Variants in ZNF614 observed in about 807,000 individuals in gnomAD.
The protein encoded by ZNF614 is zinc finger protein 614.
ZNF614 carries 11 observed loss-of-function variants against 12.8 expected under a neutral mutation model. The ratio of observed to expected loss-of-function variants is 0.86; its 90% CI spans 0.54 to 1.43. The LOEUF is 1.43. Among genes scored for constraint, ZNF614 ranks in the 40% most tolerant of loss-of-function variants. The probability of loss-of-function intolerance (pLI) is 0.00; values close to 1 mark genes in which losing one functional copy is unlikely to be tolerated. For synonymous variants in ZNF614, 237 were observed against 237.5 expected (o/e 1.00, Z 0.02); for missense variants, 664 against 708.8 (o/e 0.94, Z 0.72).
At chr19:52,021,366 A>AT (rs35777799) in intron 2 of ZNF614, among the ~76,000 whole-genome samples, 47,525 of 146,964 alleles carry the variant, frequency 0.32, 7,782 homozygotes, top group South Asian at 0.56. Context: ...AAAGTGTGAG[A>AT]TTTTTTTTTT....
At position 52,015,163 on chromosome 19, in the gene ZNF614, TTCA is replaced by T. The variant is rs2086888578; in HGVS notation, c.*674_*676del. 1.4e-5 allele frequency: 2 copies of T among 144,606 alleles called. No homozygotes were observed. The highest frequency in any genetic ancestry group is 5.0e-5 in the African/African-American group (2 of 40,118). 9.0% of individuals were successfully genotyped at this position (144,606 alleles called of 1,614,324 possible). A position where few individuals can be genotyped will look rare whatever the true frequency, so the allele number is the denominator to read the frequency against. On this transcript the variant is annotated 3_prime_UTR_variant, in exon 5 of 5. Transcript: ENST00000270649. The stretch of plus-strand genomic sequence containing the variant: ...CTTATTAAGAAAAAGCACTCAAATA[TTCA>T]TCATTTTCACCACATTTCATGCCTT...
In ZNF614 at chr19:52,016,181, GTTGTATGAGGCATAT is replaced by G. The variant is rs760696985; in HGVS notation, c.1402_1416del (p.Ile468_Gln472del). On this transcript the variant is annotated inframe_deletion, in exon 5 of 5. Coordinates refer to ENST00000270649, the MANE Select transcript of ZNF614 (RefSeq NM_025040.4). ...GTCTTTCCTGTATGACATCTCTCAT[GTTGTATGAGGCATAT>G]TTTCTGGCTGAAGGCTTTACCACAT... The G allele has an allele frequency of 3.7e-5, 59 of 1,614,072 alleles. No homozygotes were observed. Among genetic ancestry groups the G allele is most frequent in the Non-Finnish European group, 4.2e-5 (50 of 1,180,048 alleles).
chr19:52,024,901 G>A (rs2086961299), intron 2 of ZNF614, among the ~76,000 whole-genome samples: 1 of 152,184 alleles, frequency 6.6e-6, no homozygotes, highest in Non-Finnish European at 1.5e-5. Flanking sequence ...ATGACACCGG[G>A]GGATACCCGT....
chr19:52,017,958 T>G, intron 4 of ZNF614, 50 bp downstream of exon 4: 1 of 1,431,544 alleles, frequency 7.0e-7, no homozygotes, highest in Non-Finnish European at 9.8e-7. Context: ...CTTTCCTTAA[T>G]GACTACAATA....
chr19:52,023,501 A>G (rs1391337089), intron 2 of ZNF614, among the ~76,000 whole-genome samples: 1 of 152,012 alleles, frequency 6.6e-6, no homozygotes, highest in Non-Finnish European at 1.5e-5. Context: ...TTCAGTTCCA[A>G]TCCTCTAATT....
chr19:52,018,617 T>G (rs1240078261), intron 2 of ZNF614, 123 bp from the exon 3 acceptor site: 2 of 1,032,268 alleles, frequency 1.9e-6, no homozygotes, highest in East Asian at 5.4e-5. Context: ...CAAATATACT[T>G]TGGTAGGAGC....
chr19:52,025,815 A>G lies in ZNF614; in HGVS notation c.-70T>C. ...CTTTGTCTCTTCTGCATTTGCCATG[A>G]AGTTTTTGAAGTTTTCCTAGTCAGA... On this transcript the variant is annotated 5_prime_UTR_variant, in exon 2 of 5. Transcript: ENST00000270649. The G allele has an allele frequency of 6.5e-7, 1 of 1,544,644 alleles. No homozygotes were observed. Among genetic ancestry groups the G allele is most frequent in the Non-Finnish European group, 8.8e-7 (1 of 1,131,778 alleles).
chr19:52,016,150 A>C lies in ZNF614; in HGVS notation c.1448T>G (p.Phe483Cys). The change falls in exon 5 of 5, where the codon TTT becomes TGT. Residue 483 changes from phenylalanine (F) to cysteine (C), a missense_variant. By Grantham distance (205) the Phe-to-Cys change is radical. Transcript: ENST00000270649. ...HERCHTGKTP[F>C]VCTECGKSYS... The stretch of plus-strand genomic sequence containing the variant: ...GGATTTTCCGCACTCGGTACATACA[A>C]AGGGAGTCTTTCCTGTATGACATCT... 1 of 1,614,078 alleles carries C rather than the reference A, an allele frequency of 6.2e-7. No homozygotes were observed. Among genetic ancestry groups the C allele is most frequent in the Non-Finnish European group, 8.5e-7 (1 of 1,180,028 alleles).
chr19:52,017,835 G>C (rs1350277644), intron 4 of ZNF614, 173 bp downstream of exon 4: 1 of 512,956 alleles, frequency 1.9e-6, no homozygotes, highest in Non-Finnish European at 3.4e-6. Context: ...TCAGATCCAA[G>C]AAAAGACAAA....
intron 4 of ZNF614, 183 bp downstream of exon 4, chr19:52,017,825 T>A (rs2123119649): frequency 2.1e-6 from 1 of 484,794 alleles, no homozygotes; most frequent in East Asian, 3.1e-5. Flanking sequence ...ATCCAAGAAA[T>A]CAGATCCAAG....
Position 52,013,384 on chromosome 19 carries a change from T to C in ZNF614, c.*2456A>G, listed in dbSNP as rs2086877972. 1 of 264,846 alleles carries C rather than the reference T, an allele frequency of 3.8e-6. No individual in the cohort carries two copies. Among genetic ancestry groups the C allele is most frequent in the Admixed American group, 5.2e-5 (1 of 19,350 alleles). The allele number at this position is 264,846 out of a possible 1,614,324, so 16.4% of individuals were successfully genotyped here. ...ACCAGGAAAACAGTGCAAATATATC[T>C]CATAGGTGAATGGATAAACTACTAC... On this transcript the variant is annotated 3_prime_UTR_variant, in exon 5 of 5. Coordinates refer to ENST00000270649, the MANE Select transcript of ZNF614 (RefSeq NM_025040.4).
rs1253833369 is a variant in ZNF614 at position 52,014,343 on chromosome 19, AAGTT to A, written c.*1493_*1496del. Reference sequence around the variant, plus strand: ...AGTGCAGTCCAAGTTAGTGCAGTGCAAGTTAGTTAGTGCAGTCTAAATTAGTGCA... The same window carrying A: ...AGTGCAGTCCAAGTTAGTGCAGTGCAAGTTAGTGCAGTCTAAATTAGTGCA... On this transcript the variant is annotated 3_prime_UTR_variant, in exon 5 of 5. Coordinates refer to ENST00000270649, the MANE Select transcript of ZNF614 (RefSeq NM_025040.4). 17 of 151,370 alleles carry A rather than the reference AAGTT, an allele frequency of 1.1e-4. No homozygotes were observed. The highest frequency in any genetic ancestry group is 3.7e-4 in the African/African-American group (15 of 40,966). The allele number at this position is 151,370 out of a possible 1,614,324, so 9.4% of individuals were successfully genotyped here.
Position 52,016,254 on chromosome 19 carries a change from A to G in ZNF614, c.1344T>C (p.Thr448=). The G allele has an allele frequency of 6.2e-7, 1 of 1,614,016 alleles. No homozygotes were observed. The highest frequency in any genetic ancestry group is 8.5e-7 in the Non-Finnish European group (1 of 1,180,004). ...ATTCATAGGGTTTTTCTCCTGTATG[A>G]GTTCGCTGATGTATAATAAGAGTGC... ...TKRTLIIHQR[T]HTGEKPYECN... The change falls in exon 5 of 5, where the codon ACT becomes ACC. Residue 448 remains threonine, a synonymous_variant. Transcript: ENST00000270649.
chr19:52,017,420 G>A, intron 4 of ZNF614, 61 bp from the exon 5 acceptor site: 2 of 1,490,442 alleles, frequency 1.3e-6, no homozygotes, highest in Non-Finnish European at 1.8e-6. Flanking sequence ...AAATGCTTAT[G>A]AGGCCGGGCA....
At chr19:52,023,263 G>C (rs927508829) in intron 2 of ZNF614, among the ~76,000 whole-genome samples, 1 of 151,418 alleles carries the variant, frequency 6.6e-6, no homozygotes, top group South Asian at 2.1e-4. Flanking sequence ...CCACCTCCCG[G>C]GTTCAAGGGA....
At position 52,015,794 on chromosome 19, in the gene ZNF614, G is replaced by C. The variant is rs2086892028; in HGVS notation, c.*46C>G. The C allele has an allele frequency of 6.6e-7, 1 of 1,524,504 alleles. No individual in the cohort carries two copies. The highest frequency in any genetic ancestry group is 1.4e-5 in the African/African-American group (1 of 72,006). 94.4% of individuals were successfully genotyped at this position (1,524,504 alleles called of 1,614,324 possible). ...AATGAAGTCTGAGTTGCCACAAAAG[G>C]CATTTCCATAGTCACGGCACTAGTA... On this transcript the variant is annotated 3_prime_UTR_variant, in exon 5 of 5. Coordinates refer to ENST00000270649, the MANE Select transcript of ZNF614 (RefSeq NM_025040.4).
chr19:52,018,363 C>G lies in ZNF614; in HGVS notation c.142+5G>C, dbSNP rs2086913593. 1 of 1,613,926 alleles carries G rather than the reference C, an allele frequency of 6.2e-7. No homozygotes were observed. Among genetic ancestry groups the G allele is most frequent in the African/African-American group, 1.3e-5 (1 of 74,904 alleles). On this transcript the variant is annotated splice_donor_5th_base_variant and intron_variant, in intron 3 of 4. Transcript: ENST00000270649. ...CTCTAGGTGACACAGGGAAACTATT[C>G]TTACCCAGTGATACTAGGTGGTTAT... is the stretch of plus-strand genomic sequence containing the variant.
chr19:52,018,937 T>C (rs2086917749), intron 2 of ZNF614, among the ~76,000 whole-genome samples: 2 of 152,166 alleles, frequency 1.3e-5, no homozygotes, highest in South Asian at 4.1e-4. Context: ...GTCACAGTAA[T>C]AGCTCAATGC....
chr19:52,018,327 A>G (rs1468545181), intron 3 of ZNF614, 41 bp downstream of exon 3: 1 of 1,613,466 alleles, frequency 6.2e-7, no homozygotes, highest in Admixed American at 1.7e-5. Context: ...GTGTCTGGGC[A>G]TTGTAGGCAC....
Sources: allele counts gnomAD v4.1 joint callset (sites outside exome capture counted in the v4.1 genomes callset), GRCh38; gene constraint gnomAD v4.1.1; transcripts MANE v1.5; gene names NCBI Gene and HGNC (gene_info 2026-07-23, HGNC 2026-07-21).